METTL2B: variants seen among roughly 807,000 people sequenced by gnomAD.
METTL2B encodes the protein methyltransferase 2B, tRNA N3-cytidine, also known as tRNA N(3)-cytidine methyltransferase METTL2B.
METTL2B carries 28 observed loss-of-function variants against 51.0 expected under a neutral mutation model. The observed-to-expected ratio is 0.55, with a 90% CI of 0.41 to 0.75. The LOEUF is 0.75. Ranked by LOEUF, METTL2B falls within the 30% of genes least tolerant of loss-of-function variation. METTL2B has a pLI of 0.00. For missense variants in METTL2B, 313 were observed against 460.7 expected, an observed-to-expected ratio of 0.68 and a Z score of 2.93; for synonymous variants, 128 against 166.3, an observed-to-expected ratio of 0.77 and a Z score of 1.77.
At chr7:128,489,113 C>G (rs1039786077) in intron 5 of METTL2B, among the ~76,000 whole-genome samples, 2 of 151,520 alleles carry the variant, frequency 1.3e-5, no homozygotes, top group African/African-American at 4.9e-5. Context: ...GACTCCATCT[C>G]AAAAAAATAA....
intron 6 of METTL2B, among the ~76,000 whole-genome samples, 176 bp downstream of exon 6, chr7:128,494,119 A>G (rs1421086411): frequency 6.6e-6 from 1 of 152,134 alleles, no homozygotes; most frequent in African/African-American, 2.4e-5. Context: ...CAGCTTCCCA[A>G]GTAGGTGGGA....
Position 128,502,669 on chromosome 7 carries a change from C to A in METTL2B, c.*753C>A. 2.3e-6 allele frequency: 1 copy of A among 444,378 alleles called. No homozygotes were observed. Among genetic ancestry groups the A allele is most frequent in the Admixed American group, 2.5e-5 (1 of 39,954 alleles). The allele number at this position is 444,378 out of a possible 1,614,324, so 27.5% of individuals were successfully genotyped here. ...ATCCCAGCACTTTGGGAGGCCGAGG[C>A]GGGCAGATCACCTGAGGTCAGGAGT... On this transcript the variant is annotated 3_prime_UTR_variant, in exon 9 of 9. Coordinates refer to ENST00000262432, the MANE Select transcript of METTL2B (RefSeq NM_018396.3).
At chr7:128,498,495 T>A (rs77332500) in intron 7 of METTL2B, among the ~76,000 whole-genome samples, 12,357 of 144,240 alleles carry the variant, frequency 0.086, 823 homozygotes, top group East Asian at 0.27. Context: ...AGTATAATTT[T>A]AAAAAAAAAA....
At chr7:128,496,630 T>C (rs1161882662) in intron 6 of METTL2B, among the ~76,000 whole-genome samples, 1 of 152,138 alleles carries the variant, frequency 6.6e-6, no homozygotes. Flanking sequence ...TATTAAAATT[T>C]AAAATTCAAG....
Position 128,502,626 on chromosome 7 carries a change from C to T in METTL2B, c.*710C>T, listed in dbSNP as rs865890087. On this transcript the variant is annotated 3_prime_UTR_variant, in exon 9 of 9. Coordinates refer to ENST00000262432, the MANE Select transcript of METTL2B (RefSeq NM_018396.3). ...GCTTTAATCTTAGTTCCGCCAGGCA[C>T]GGTGGCTCACACCTGTAATCCCAGC... 25 of 453,470 alleles carry T rather than the reference C, an allele frequency of 5.5e-5. No homozygotes were observed. Among genetic ancestry groups the T allele is most frequent in the Non-Finnish European group, 8.8e-5 (20 of 226,518 alleles). 28.1% of individuals were successfully genotyped at this position (453,470 alleles called of 1,614,324 possible). A position where few individuals can be genotyped will look rare whatever the true frequency, so the allele number is the denominator to read the frequency against.
At chr7:128,477,245 G>C in intron 2 of METTL2B, 72 bp downstream of exon 2, 1 of 1,591,818 alleles carries the variant, frequency 6.3e-7, no homozygotes, top group Non-Finnish European at 8.6e-7. Context: ...GGAGAGGCCA[G>C]GGAACCGCGG....
Position 128,502,046 on chromosome 7 carries a change from A to T in METTL2B, c.*130A>T. The T allele has an allele frequency of 1.4e-6, 2 of 1,395,056 alleles. No homozygotes were observed. Among genetic ancestry groups the T allele is most frequent in the Non-Finnish European group, 1.9e-6 (2 of 1,030,442 alleles). 86.4% of individuals were successfully genotyped at this position (1,395,056 alleles called of 1,614,324 possible). ...CAGGAGGCTGAGGCAGGGAGGATCC[A>T]TTGAGCCCAGGAGTCCAGCCTGGGC... On this transcript the variant is annotated 3_prime_UTR_variant, in exon 9 of 9. Coordinates refer to ENST00000262432, the MANE Select transcript of METTL2B (RefSeq NM_018396.3).
intron 5 of METTL2B, 125 bp from the exon 6 acceptor site, chr7:128,493,679 A>G: frequency 7.1e-7 from 1 of 1,399,170 alleles, no homozygotes; most frequent in Admixed American, 2.5e-5. Flanking sequence ...GAAAAAAAAG[A>G]AAAAAGAAAT....
At chr7:128,500,017 T>C (rs1289851038) in intron 7 of METTL2B, among the ~76,000 whole-genome samples, 1 of 151,960 alleles carries the variant, frequency 6.6e-6, no homozygotes, top group Non-Finnish European at 1.5e-5. Context: ...GTGTATTCAG[T>C]GAGAGGAGAG....
chr7:128,502,429 C>T lies in METTL2B; in HGVS notation c.*513C>T, dbSNP rs1793046152. 1.3e-5 allele frequency: 4 copies of T among 298,768 alleles called. No individual in the cohort carries two copies. Among genetic ancestry groups the T allele is most frequent in the Non-Finnish European group, 2.6e-5 (4 of 151,904 alleles). The allele number at this position is 298,768 out of a possible 1,614,324, so 18.5% of individuals were successfully genotyped here. A position where few individuals can be genotyped will look rare whatever the true frequency, so the allele number is the denominator to read the frequency against. On this transcript the variant is annotated 3_prime_UTR_variant, in exon 9 of 9. Coordinates refer to ENST00000262432, the MANE Select transcript of METTL2B (RefSeq NM_018396.3). ...GTTAAATCTTTTGAGAGTGTAAATG[C>T]CGGGCTAGGCAATTGCAGTTAATAC...
At chr7:128,490,325 C>CTTTTTTTT in intron 5 of METTL2B, among the ~76,000 whole-genome samples, 1 of 131,846 alleles carries the variant, frequency 7.6e-6, no homozygotes, top group African/African-American at 2.8e-5. Flanking sequence ...TCAGGCTTCA[C>CTTTTTTTT]TTTTTTTTTT....
chr7:128,501,716 T>C lies in METTL2B; in HGVS notation c.983-46T>C, dbSNP rs192734141. On this transcript the variant is annotated intron_variant, in intron 8 of 8. Coordinates refer to ENST00000262432, the MANE Select transcript of METTL2B (RefSeq NM_018396.3). ...AAGGACTTAGTAGATAAAAATGCCTTTTCTTGAGGGGAAAATGCATAAACA... is the reference window on the plus strand; with the variant it reads ...AAGGACTTAGTAGATAAAAATGCCTCTTCTTGAGGGGAAAATGCATAAACA... 1.1e-4 allele frequency: 176 copies of C among 1,605,878 alleles called. 2 individuals are homozygous for C. The East Asian group carries it at 1.3e-3, about 12-fold the overall frequency.
Position 128,501,357 on chromosome 7 carries a change from TG to T in METTL2B, c.982+391del, listed in dbSNP as rs373117758. ...GCCGGGAACTGCTCTCCTCTGCAAC[TG>T]GCCCATCCACAGGCTTCATCCTTCA... On this transcript the variant is annotated intron_variant, in intron 8 of 8. Coordinates refer to ENST00000262432, the MANE Select transcript of METTL2B (RefSeq NM_018396.3). 153 of 985,454 alleles carry T rather than the reference TG, an allele frequency of 1.6e-4. 2 individuals are homozygous for T. In the Middle Eastern group the frequency reaches 9.4e-3, roughly 61 times the overall value. The allele number at this position is 985,454 out of a possible 1,614,324, so 61.0% of individuals were successfully genotyped here.
chr7:128,501,776 C>T lies in METTL2B; in HGVS notation c.997C>T (p.Leu333Phe), dbSNP rs372160652. Residue 333 changes from leucine (L) to phenylalanine (F), a missense_variant, in exon 9 of 9, where the codon CTT (leucine) becomes TTT (phenylalanine). Leu to Phe is a conservative substitution (Grantham distance 22). Transcript: ENST00000262432. ...TTCCACACTAGAGGAACTGGACACG[C>T]TTTTCACCACTGCTGGACTGGAAAA... ...YFFTQEELDT[L>F]FTTAGLEKVQ... 1 of 1,613,990 alleles carries T rather than the reference C, an allele frequency of 6.2e-7. No individual in the cohort carries two copies. Among genetic ancestry groups the T allele is most frequent in the African/African-American group, 1.3e-5 (1 of 74,904 alleles).
intron 4 of METTL2B, among the ~76,000 whole-genome samples, chr7:128,482,284 G>C (rs2116843981): frequency 6.6e-6 from 1 of 151,878 alleles, no homozygotes; most frequent in Middle Eastern, 3.4e-3. Flanking sequence ...CTCCCTAGTA[G>C]CTGGGATTAA....
At chr7:128,478,732 C>G (rs61391389) in intron 2 of METTL2B, among the ~76,000 whole-genome samples, 117,662 of 150,792 alleles carry the variant, frequency 0.78, 46,158 homozygotes, top group East Asian at 0.94. Flanking sequence ...CGGGCGTGGT[C>G]GTGGGCCTGT....
At chr7:128,497,515 C>T (rs1299338924) in intron 6 of METTL2B, among the ~76,000 whole-genome samples, 1 of 152,142 alleles carries the variant, frequency 6.6e-6, no homozygotes, top group Middle Eastern at 3.2e-3. Flanking sequence ...GTCTCAGTTA[C>T]TCTGCCGCCC....
chr7:128,476,771 C>T lies in METTL2B; in HGVS notation c.6C>T (p.Ala2=). The T allele has an allele frequency of 6.2e-7, 1 of 1,613,926 alleles. No individual in the cohort carries two copies. Among genetic ancestry groups the T allele is most frequent in the East Asian group, 2.2e-5 (1 of 44,876 alleles). The stretch of plus-strand genomic sequence containing the variant: ...GTGTTTCCGGCTCCGGTGTCATGGC[C>T]GGCTCCTACCCTGAAGGTGCACCTG... M[A]GSYPEGAPAI... is the part of the protein sequence containing the mutation. The change falls in exon 1 of 9, where the codon GCC becomes GCT. Residue 2 remains alanine, a synonymous_variant. Coordinates refer to ENST00000262432, the MANE Select transcript of METTL2B (RefSeq NM_018396.3).
intron 3 of METTL2B, among the ~76,000 whole-genome samples, chr7:128,479,910 T>G (rs937911891): frequency 2.0e-5 from 3 of 152,170 alleles, no homozygotes; most frequent in Non-Finnish European, 4.4e-5. Context: ...GAGAGGGTAG[T>G]TAGGATGGTG....
Sources: gnomAD v4.1 joint callset for allele counts (sites outside exome capture counted in the v4.1 genomes callset) on GRCh38, gnomAD v4.1.1 for gene constraint, MANE v1.5 for transcripts, NCBI Gene and HGNC (gene_info 2026-07-23, HGNC 2026-07-21) for gene names.